Variants in LMO7 observed in about 807,000 individuals in gnomAD.
LMO7 encodes LIM domain 7.
In LMO7, 120 loss-of-function variants were observed where a neutral mutation model predicts 206.5. That is an observed-to-expected ratio of 0.58 (90% confidence interval 0.50 to 0.68). The LOEUF (loss-of-function observed/expected upper bound fraction) is 0.68, where lower values mean the gene tolerates loss of function less well. LMO7 is among the 30% of genes least tolerant of loss of function. The pLI is 0.00. For missense variants in LMO7, 1,959 were observed against 1,957.9 expected (o/e 1.00, Z -0.01); for synonymous variants, 706 against 681.5 (o/e 1.04, Z -0.56).
chr13:75,677,597 G>T (rs1200090805), intron 1 of LMO7, among the ~76,000 whole-genome samples: 1 of 151,098 alleles, frequency 6.6e-6, no homozygotes, highest in African/African-American at 2.4e-5. Context: ...AAATAAGCTA[G>T]ATTTCTTGTG....
intron 1 of LMO7, among the ~76,000 whole-genome samples, chr13:75,697,408 G>A (rs954208333): frequency 6.6e-6 from 1 of 152,136 alleles, no homozygotes; most frequent in Non-Finnish European, 1.5e-5. Flanking sequence ...TTACATGATG[G>A]CAGGCAAGAG....
chr13:75,780,232 G>A (rs149999158), intron 4 of LMO7, among the ~76,000 whole-genome samples: 7 of 152,210 alleles, frequency 4.6e-5, no homozygotes, highest in Middle Eastern at 3.4e-3. Context: ...CTAGAATTTC[G>A]CCAGGCTGGA....
At chr13:75,729,569 G>T (rs1292589012) in intron 3 of LMO7, among the ~76,000 whole-genome samples, 1 of 151,572 alleles carries the variant, frequency 6.6e-6, no homozygotes, top group Admixed American at 6.6e-5. Context: ...CATGTCATCT[G>T]CAAACAGGGA....
chr13:75,740,037 C>T (rs1038810218), intron 3 of LMO7, among the ~76,000 whole-genome samples: 4 of 152,204 alleles, frequency 2.6e-5, no homozygotes, highest in African/African-American at 9.7e-5. Context: ...TTACTGTTTT[C>T]ATTCAAGGGT....
intron 28 of LMO7, among the ~76,000 whole-genome samples, chr13:75,854,040 G>T (rs1176425315): frequency 1.3e-5 from 2 of 152,276 alleles, no homozygotes; most frequent in East Asian, 3.9e-4. Flanking sequence ...TTATGATAGG[G>T]TGTTATGTTT....
At position 75,829,257 on chromosome 13, in the gene LMO7, T is replaced by C. The variant is rs2058425250; in HGVS notation, c.2950-3794T>C. 2.6e-5 allele frequency among the ~76,000 whole-genome samples: 4 copies of C among 151,826 alleles called. No homozygotes were observed. In the East Asian group the frequency reaches 7.8e-4, roughly 30 times the overall value. On this transcript the variant is annotated intron_variant, in intron 15 of 30. Transcript: ENST00000377534. Reference sequence around the variant, plus strand: ...GGAAAAAAGGCTGGAGAAAGTGAGATAATAGGTGACTTTAGAAGATTGTTT... The same window carrying C: ...GGAAAAAAGGCTGGAGAAAGTGAGACAATAGGTGACTTTAGAAGATTGTTT...
intron 15 of LMO7, among the ~76,000 whole-genome samples, chr13:75,831,288 C>A (rs530820955): frequency 6.6e-6 from 1 of 152,134 alleles, no homozygotes; most frequent in Non-Finnish European, 1.5e-5. Flanking sequence ...CGAGAATCAT[C>A]CCTAATTTAC....
Position 75,759,349 on chromosome 13 carries a change from G to A in LMO7, c.211-1583G>A, listed in dbSNP as rs1389595613. Among the ~76,000 whole-genome samples, 5 of 152,252 alleles carry A rather than the reference G, an allele frequency of 3.3e-5. No homozygotes were observed. In the East Asian group the frequency reaches 7.7e-4, roughly 24 times the overall value. ...ACCATCTTTTCTTGCCTGCTTCTCA[G>A]AGGGCCAATTTTAAAACCATTAATT... On this transcript the variant is annotated intron_variant, in intron 3 of 30. Transcript: ENST00000377534.
intron 3 of LMO7, chr13:75,760,661 A>G (rs765762158): frequency 1.0e-4 from 151 of 1,502,562 alleles, no homozygotes; most frequent in Non-Finnish European, 1.3e-4. Flanking sequence ...CTTGTCCTGT[A>G]ACAGGTAATG....
rs145980957 is a variant in LMO7 at position 75,795,343 on chromosome 13, A to G, written c.318-58A>G. ...AATAAAAATGAGTTTTTTTCTAGCTATAATTAATAATTTAAGGTTCACGGA... is the reference window on the plus strand; with the variant it reads ...AATAAAAATGAGTTTTTTTCTAGCTGTAATTAATAATTTAAGGTTCACGGA... On this transcript the variant is annotated intron_variant, in intron 4 of 30. Transcript: ENST00000377534. 602 of 1,158,294 alleles carry G rather than the reference A, an allele frequency of 5.2e-4. 1 individual carries two copies. In the African/African-American group the frequency reaches 8.6e-3, roughly 16 times the overall value. 71.8% of individuals were successfully genotyped at this position (1,158,294 alleles called of 1,614,324 possible).
rs1231006653 is a variant in LMO7, at chr13:75,668,353, C to T, written c.69+31627C>T. Among the ~76,000 whole-genome samples, 8 of 152,334 alleles carry T rather than the reference C, an allele frequency of 5.3e-5. No individual in the cohort carries two copies. In the South Asian group the frequency reaches 1.4e-3, roughly 28 times the overall value. ...CACTGGTATGCTTGGAGTAAGCCTGCACCTGTGGTTCAGGGGCCATCTAGA... is the reference window on the plus strand; with the variant it reads ...CACTGGTATGCTTGGAGTAAGCCTGTACCTGTGGTTCAGGGGCCATCTAGA... On this transcript the variant is annotated intron_variant, in intron 1 of 30. Coordinates refer to ENST00000377534, the MANE Select transcript of LMO7 (RefSeq NM_001306080.2).
exon 1 of LMO7, chr13:75,621,851 G>C: frequency 3.8e-6 from 6 of 1,598,558 alleles, no homozygotes; most frequent in Non-Finnish European, 5.1e-6. Flanking sequence ...CTCAGGGACA[G>C]AGTCTGCAGC....
At chr13:75,644,528 A>G (rs535886030) in intron 1 of LMO7, among the ~76,000 whole-genome samples, 1 of 152,340 alleles carries the variant, frequency 6.6e-6, no homozygotes, top group Non-Finnish European at 1.5e-5. Flanking sequence ...GACAAATCCT[A>G]TACAACTTCC....
At chr13:75,845,027 T>C (rs2059876842) in intron 25 of LMO7, among the ~76,000 whole-genome samples, 1 of 152,132 alleles carries the variant, frequency 6.6e-6, no homozygotes, top group South Asian at 2.1e-4. Flanking sequence ...TGGACCAGGG[T>C]GAACATCGAC....
intron 27 of LMO7, among the ~76,000 whole-genome samples, chr13:75,851,781 G>T (rs1266538779): frequency 2.0e-5 from 3 of 152,184 alleles, no homozygotes; most frequent in Non-Finnish European, 2.9e-5. Context: ...TTTAAGGGAA[G>T]TGGCTGATAA....
At chr13:75,712,888 A>G (rs936147515) in intron 1 of LMO7, among the ~76,000 whole-genome samples, 2 of 152,132 alleles carry the variant, frequency 1.3e-5, no homozygotes, top group Admixed American at 6.5e-5. Flanking sequence ...AAATATGTTG[A>G]AAATTTAGTT....
chr13:75,840,141 A>C (rs1218415904), intron 21 of LMO7, 31 bp downstream of exon 21: 1 of 1,610,994 alleles, frequency 6.2e-7, no homozygotes, highest in Admixed American at 1.7e-5. Flanking sequence ...ATTTGGAATA[A>C]GGTGAACTTG....
At chr13:75,660,804 C>G (rs974095614) in intron 1 of LMO7, among the ~76,000 whole-genome samples, 1 of 151,972 alleles carries the variant, frequency 6.6e-6, no homozygotes, top group Admixed American at 6.6e-5. Context: ...AAACCCGGTC[C>G]CTTGAGTCTT....
intron 1 of LMO7, among the ~76,000 whole-genome samples, chr13:75,704,974 A>G (rs758037602): frequency 1.1e-4 from 16 of 152,236 alleles, no homozygotes; most frequent in Admixed American, 1.3e-4. Flanking sequence ...TATCTGATAG[A>G]TATTTTCTTC....
Sources: allele counts gnomAD v4.1 joint callset (sites outside exome capture counted in the v4.1 genomes callset), GRCh38; gene constraint gnomAD v4.1.1; transcripts MANE v1.5; gene names NCBI Gene and HGNC (gene_info 2026-07-23, HGNC 2026-07-21).